SLC2A9: variants seen among roughly 807,000 people sequenced by gnomAD.
SLC2A9 encodes the protein solute carrier family 2 member 9, also known as solute carrier family 2, facilitated glucose transporter member 9.
A neutral mutation model predicts 50.6 loss-of-function variants in SLC2A9; 39 were observed. That is an observed-to-expected ratio of 0.77 (90% confidence interval 0.60 to 1.01). The LOEUF (loss-of-function observed/expected upper bound fraction) is 1.01. Among genes scored for constraint, SLC2A9 ranks in the 50% least tolerant of loss-of-function variants. SLC2A9 has a pLI of 0.00. For synonymous variants in SLC2A9, 324 were observed against 276.9 expected, an observed-to-expected ratio of 1.17 and a Z score of -1.69; for missense variants, 686 against 677.6, an observed-to-expected ratio of 1.01 and a Z score of -0.14.
At chr4:9,833,814 T>C (rs1577443502) in intron 11 of SLC2A9, among the ~76,000 whole-genome samples, 1 of 152,242 alleles carries the variant, frequency 6.6e-6, no homozygotes, top group East Asian at 1.9e-4. Context: ...TGGTGATGTA[T>C]ATGACGGATT....
At chr4:9,971,804 T>C (rs1043930471) in intron 5 of SLC2A9, among the ~76,000 whole-genome samples, 1 of 152,218 alleles carries the variant, frequency 6.6e-6, no homozygotes, top group Non-Finnish European at 1.5e-5. Context: ...AAGATTCTCA[T>C]ATACAGATGC....
intron 6 of SLC2A9, among the ~76,000 whole-genome samples, chr4:9,933,998 T>G (rs1314783745): frequency 6.6e-6 from 1 of 152,226 alleles, no homozygotes. Context: ...CCAGGACTAC[T>G]CATTCCAAAG....
intron 3 of SLC2A9, among the ~76,000 whole-genome samples, chr4:9,781,394 G>T (rs994613186): frequency 2.6e-5 from 4 of 152,206 alleles, no homozygotes; most frequent in African/African-American, 4.8e-5. Context: ...CGTGGCCAGG[G>T]CTAAGGCTCC....
At chr4:9,931,649 T>C (rs1745947896) in intron 6 of SLC2A9, among the ~76,000 whole-genome samples, 1 of 152,128 alleles carries the variant, frequency 6.6e-6, no homozygotes, top group South Asian at 2.1e-4. Flanking sequence ...GTCTGATCTT[T>C]CTTTCCACAC....
intron 5 of SLC2A9, among the ~76,000 whole-genome samples, chr4:9,951,787 G>T (rs1312236988): frequency 6.6e-6 from 1 of 152,256 alleles, no homozygotes; most frequent in African/African-American, 2.4e-5. Context: ...AAGGTGGTAT[G>T]AAAGTTTTTG....
chr4:9,779,130 A>G (rs1717971687), downstream of SLC2A9, among the ~76,000 whole-genome samples: 1 of 152,198 alleles, frequency 6.6e-6, no homozygotes, highest in African/African-American at 2.4e-5. Flanking sequence ...ACTGAAGCTC[A>G]GAGAGATCAA....
At chr4:9,918,633 T>C (rs1301432358) in intron 7 of SLC2A9, among the ~76,000 whole-genome samples, 2 of 152,178 alleles carry the variant, frequency 1.3e-5, no homozygotes, top group Non-Finnish European at 2.9e-5. Context: ...TGGGGACAGC[T>C]CCTGGCCCAC....
rs529007839 is a variant in SLC2A9, at chr4:9,977,550, C to T, written c.681+3042G>A. ...GTCTCTCCCTCTCCCTCTCCCCCTC[C>T]CCCTCCCCCTCCCCCTGCTCCTGAC... On this transcript the variant is annotated intron_variant, in intron 5 of 11. Coordinates refer to ENST00000264784, the MANE Select transcript of SLC2A9 (RefSeq NM_020041.3). Among the ~76,000 whole-genome samples, 308 of 143,628 alleles carry T rather than the reference C, an allele frequency of 2.1e-3. 1 individual carries two copies. Among genetic ancestry groups the T allele is most frequent in the Non-Finnish European group, 3.2e-3 (210 of 65,602 alleles). 94.2% of individuals were successfully genotyped at this position (143,628 alleles called of 152,430 possible).
At chr4:9,989,980 G>A (rs894044793) in intron 3 of SLC2A9, among the ~76,000 whole-genome samples, 7 of 152,090 alleles carry the variant, frequency 4.6e-5, no homozygotes, top group African/African-American at 1.7e-4. Flanking sequence ...GAACAAAGTG[G>A]TGAGCTCTTC....
At chr4:9,798,856 T>G (rs1720936226), downstream of SLC2A9, 1 of 152,230 alleles carries the variant, frequency 6.6e-6, no homozygotes, top group South Asian at 2.1e-4. Flanking sequence ...TGAGTTTTCC[T>G]TTCTAGAAGA....
intron 7 of SLC2A9, among the ~76,000 whole-genome samples, chr4:9,912,061 A>G (rs925533537): frequency 1.3e-5 from 2 of 152,106 alleles, no homozygotes; most frequent in Non-Finnish European, 2.9e-5. Flanking sequence ...AACACCGCAT[A>G]TTCTCACTCA....
intron 6 of SLC2A9, among the ~76,000 whole-genome samples, chr4:9,938,401 A>T (rs1747505677): frequency 6.6e-6 from 1 of 151,112 alleles, no homozygotes; most frequent in African/African-American, 2.4e-5. Flanking sequence ...CCTCCAGAGT[A>T]GCTGGGACTA....
chr4:9,862,869 C>T (rs551157274), intron 10 of SLC2A9, among the ~76,000 whole-genome samples: 11 of 152,084 alleles, frequency 7.2e-5, no homozygotes, highest in Admixed American at 3.3e-4. Context: ...CTGTGTCATT[C>T]GCTGGGGTAT....
intron 5 of SLC2A9, among the ~76,000 whole-genome samples, chr4:9,962,158 G>C (rs1937501087): frequency 6.6e-6 from 1 of 152,154 alleles, no homozygotes; most frequent in African/African-American, 2.4e-5. Flanking sequence ...AGACAGTGTG[G>C]CAATTCCTCA....
chr4:9,944,859 G>A (rs112754397), intron 5 of SLC2A9, among the ~76,000 whole-genome samples: 1 of 152,156 alleles, frequency 6.6e-6, no homozygotes, highest in Non-Finnish European at 1.5e-5. Context: ...AGTGTGACTG[G>A]GTGTGTGGGT....
At chr4:10,028,743 G>A (rs1763833462) in intron 1 of SLC2A9, among the ~76,000 whole-genome samples, 1 of 152,192 alleles carries the variant, frequency 6.6e-6, no homozygotes, top group Non-Finnish European at 1.5e-5. Context: ...AGGCACCCTG[G>A]CATTAGGTCA....
At chr4:9,915,829 G>T (rs1742757173) in intron 7 of SLC2A9, among the ~76,000 whole-genome samples, 1 of 152,144 alleles carries the variant, frequency 6.6e-6, no homozygotes, top group South Asian at 2.1e-4. Flanking sequence ...CTTCCAACTT[G>T]ATCTAGGAAG....
At chr4:10,023,522 C>T (rs556234276), upstream of SLC2A9, among the ~76,000 whole-genome samples, 53 of 152,314 alleles carry the variant, frequency 3.5e-4, no homozygotes, top group African/African-American at 1.1e-3. Flanking sequence ...AAAATTGCTT[C>T]GTAGTCCTCT....
chr4:9,793,015 C>G (rs1175098688), intron 3 of SLC2A9, among the ~76,000 whole-genome samples: 1 of 152,230 alleles, frequency 6.6e-6, no homozygotes, highest in African/African-American at 2.4e-5. Flanking sequence ...GCTGGGATTA[C>G]AGGCATGCGC....
Sources: allele counts gnomAD v4.1 joint callset (sites outside exome capture counted in the v4.1 genomes callset), GRCh38; gene constraint gnomAD v4.1.1; transcripts MANE v1.5; gene names NCBI Gene and HGNC (gene_info 2026-07-23, HGNC 2026-07-21).